The following KCNIP1 variants were observed in gnomAD, a reference collection of about 807,000 sequenced individuals.
The protein encoded by KCNIP1 is A-type potassium channel modulatory protein KCNIP1.
In KCNIP1, 18 loss-of-function variants were observed where a neutral mutation model predicts 33.0. The observed-to-expected ratio is 0.55, with a 90% CI of 0.38 to 0.81. The LOEUF (loss-of-function observed/expected upper bound fraction) is 0.81. Among genes scored for constraint, KCNIP1 ranks in the 30% least tolerant of loss-of-function variants. The pLI is 0.00. For missense variants in KCNIP1, 238 were observed against 271.6 expected, an observed-to-expected ratio of 0.88 and a Z score of 0.87; for synonymous variants, 93 against 98.3, an observed-to-expected ratio of 0.95 and a Z score of 0.32.
chr5:170,590,638 G>A (rs4354060), intron 1 of KCNIP1, among the ~76,000 whole-genome samples: 115,293 of 152,094 alleles, frequency 0.76, 44,413 homozygotes, highest in East Asian at 0.91. Flanking sequence ...CCTAACTGGG[G>A]AGGATTAACT....
At chr5:170,612,894 G>A (rs749573593) in intron 1 of KCNIP1, among the ~76,000 whole-genome samples, 11 of 152,066 alleles carry the variant, frequency 7.2e-5, no homozygotes, top group South Asian at 2.1e-4. Flanking sequence ...TATAGGGCCC[G>A]CTGGTTCCTT....
intron 1 of KCNIP1, among the ~76,000 whole-genome samples, chr5:170,387,813 C>A (rs1241214992): frequency 1.3e-5 from 2 of 152,198 alleles, no homozygotes; most frequent in East Asian, 3.8e-4. Context: ...AAGCTAAAAG[C>A]CCCAACAGCC....
At chr5:170,429,465 CA>C (rs1317605647) in intron 1 of KCNIP1, among the ~76,000 whole-genome samples, 11 of 151,900 alleles carry the variant, frequency 7.2e-5, no homozygotes, top group Non-Finnish European at 1.6e-4. Flanking sequence ...TTTTGTTTTT[CA>C]AATTCTTGTT....
intron 1 of KCNIP1, among the ~76,000 whole-genome samples, chr5:170,465,652 AAGAG>A (rs140798118): frequency 1.3e-5 from 2 of 151,414 alleles, no homozygotes; most frequent in African/African-American, 2.4e-5. Flanking sequence ...GAGAGACAGA[AAGAG>A]AGAGAGAGAG....
At chr5:170,500,092 G>T (rs550061808), upstream of KCNIP1, among the ~76,000 whole-genome samples, 30 of 152,274 alleles carry the variant, frequency 2.0e-4, no homozygotes, top group South Asian at 5.6e-3. Context: ...TTGGTGTCTG[G>T]TGAGGCCTCT....
intron 1 of KCNIP1, among the ~76,000 whole-genome samples, chr5:170,418,768 G>A (rs1435655950): frequency 6.6e-6 from 1 of 152,112 alleles, no homozygotes; most frequent in African/African-American, 2.4e-5. Flanking sequence ...TTCACACTGG[G>A]TTCTCTGCTG....
At chr5:170,605,251 C>A (rs142850677) in intron 1 of KCNIP1, among the ~76,000 whole-genome samples, 1 of 152,262 alleles carries the variant, frequency 6.6e-6, no homozygotes, top group African/African-American at 2.4e-5. Context: ...GTCCCTCTGT[C>A]CTCACTATGA....
intron 1 of KCNIP1, among the ~76,000 whole-genome samples, chr5:170,546,601 TCAGCCTA>T (rs1756416817): frequency 6.6e-6 from 1 of 152,198 alleles, no homozygotes; most frequent in Non-Finnish European, 1.5e-5. Context: ...TCAGGAGTTA[TCAGCCTA>T]CAGAGGACCC....
At chr5:170,710,323 T>C (rs1341321211) in intron 1 of KCNIP1, among the ~76,000 whole-genome samples, 1 of 152,260 alleles carries the variant, frequency 6.6e-6, no homozygotes, top group Non-Finnish European at 1.5e-5. Context: ...AATTCTACAA[T>C]TTTTGATTGA....
chr5:170,374,049 G>T (rs1337433363), intron 1 of KCNIP1, among the ~76,000 whole-genome samples: 1 of 152,102 alleles, frequency 6.6e-6, no homozygotes, highest in African/African-American at 2.4e-5. Flanking sequence ...CCAATTCAAA[G>T]AATACTGGAT....
intron 1 of KCNIP1, among the ~76,000 whole-genome samples, chr5:170,670,829 G>A (rs1409082831): frequency 1.3e-5 from 2 of 151,890 alleles, no homozygotes; most frequent in African/African-American, 4.8e-5. Context: ...CTGGGAGGTG[G>A]AGGTTGCAGT....
At chr5:170,654,368 C>G (rs1360677029) in intron 1 of KCNIP1, among the ~76,000 whole-genome samples, 1 of 152,170 alleles carries the variant, frequency 6.6e-6, no homozygotes, top group Non-Finnish European at 1.5e-5. Flanking sequence ...AGCTCACATT[C>G]TAGTCATGTC....
At chr5:170,412,052 C>T (rs1390777764) in intron 1 of KCNIP1, among the ~76,000 whole-genome samples, 1 of 152,158 alleles carries the variant, frequency 6.6e-6, no homozygotes, top group African/African-American at 2.4e-5. Context: ...AGTGACGGTG[C>T]ATGCTGGCTG....
intron 1 of KCNIP1, among the ~76,000 whole-genome samples, chr5:170,532,719 C>A (rs986237142): frequency 1.3e-5 from 2 of 152,106 alleles, no homozygotes; most frequent in African/African-American, 4.8e-5. Context: ...GCCCCCCATG[C>A]CACCAGAGGG....
intron 1 of KCNIP1, among the ~76,000 whole-genome samples, chr5:170,547,304 T>G (rs912720340): frequency 1.3e-5 from 2 of 152,222 alleles, no homozygotes; most frequent in African/African-American, 4.8e-5. Context: ...TATCTAAGAG[T>G]TTACTAATTG....
intron 1 of KCNIP1, among the ~76,000 whole-genome samples, chr5:170,547,631 TTTC>T (rs1192062230): frequency 7.2e-5 from 11 of 152,244 alleles, no homozygotes; most frequent in African/African-American, 2.7e-4. Flanking sequence ...GGTATTCAGT[TTTC>T]TGCTCCTGTG....
At chr5:170,686,430 G>A (rs574405880) in intron 1 of KCNIP1, among the ~76,000 whole-genome samples, 8 of 152,344 alleles carry the variant, frequency 5.3e-5, no homozygotes, top group Non-Finnish European at 1.0e-4. Flanking sequence ...TTGATTCTCC[G>A]TGGTTCATTT....
At chr5:170,496,988 C>T (rs1382789757) in intron 1 of KCNIP1, among the ~76,000 whole-genome samples, 6 of 152,086 alleles carry the variant, frequency 3.9e-5, no homozygotes, top group African/African-American at 1.4e-4. Context: ...CTTTGACCCT[C>T]AGCAGCAGAG....
intron 1 of KCNIP1, among the ~76,000 whole-genome samples, chr5:170,509,406 T>C (rs1754847998): frequency 6.6e-6 from 1 of 152,224 alleles, no homozygotes; most frequent in Admixed American, 6.5e-5. Context: ...ACTTACTGCC[T>C]AAAATCAGTG....
Sources: gnomAD v4.1 joint callset for allele counts (sites outside exome capture counted in the v4.1 genomes callset) on GRCh38, gnomAD v4.1.1 for gene constraint, MANE v1.5 for transcripts, NCBI Gene and HGNC (gene_info 2026-07-23, HGNC 2026-07-21) for gene names.